Variants in RAB34 observed in about 807,000 individuals in gnomAD.
The protein encoded by RAB34 is RAB34, member RAS oncogene family, also known as ras-related protein Rab-34.
In RAB34, 33 loss-of-function variants were observed where a neutral mutation model predicts 39.0. That is an observed-to-expected ratio of 0.85 (90% CI 0.64 to 1.13). The LOEUF (loss-of-function observed/expected upper bound fraction) is 1.13. RAB34 is among the 50% of genes most tolerant of loss of function. The probability of loss-of-function intolerance (pLI) is 0.00; values close to 1 mark genes in which losing one functional copy is unlikely to be tolerated. For synonymous variants in RAB34, 135 were observed against 125.1 expected (o/e 1.08, Z -0.53); for missense variants, 289 against 326.1 (o/e 0.89, Z 0.88).
At position 28,715,636 on chromosome 17, in the gene RAB34, C is replaced by T; in HGVS notation, c.379+5G>A. On this transcript the variant is annotated splice_donor_5th_base_variant and intron_variant, in intron 5 of 9. Coordinates refer to ENST00000395245, the MANE Select transcript of RAB34 (RefSeq NM_031934.6). ...CCACCTACCCCACTTCACCCAGCCC[C>T]TTACCTTGAGCTCCTCTATAGTAGG... The T allele has an allele frequency of 6.2e-7, 1 of 1,614,154 alleles. No individual in the cohort carries two copies. Among genetic ancestry groups the T allele is most frequent in the Non-Finnish European group, 8.5e-7 (1 of 1,180,022 alleles).
Position 28,714,687 on chromosome 17 carries a change from G to A in RAB34, c.736C>T (p.Leu246Phe). Reference protein sequence around the residue: ...VVRINSDDSNLYLTASKKKPT... With the variant: ...VVRINSDDSNFYLTASKKKPT... ...TTCTTCTTGCTGGCAGTTAGGTAGA[G>A]GTTGCTGTCATCACTGTTGATGCCT... Residue 246 changes from leucine (L) to phenylalanine (F), a missense_variant, in exon 10 of 10, where the codon CTC becomes TTC. By Grantham distance (22) the Leu-to-Phe change is conservative (BLOSUM62 0). Coordinates refer to ENST00000395245, the MANE Select transcript of RAB34 (RefSeq NM_031934.6). 6.2e-7 allele frequency: 1 copy of A among 1,614,100 alleles called. No homozygotes were observed. The highest frequency in any genetic ancestry group is 1.1e-5 in the South Asian group (1 of 91,084).
chr17:28,714,471 G>T lies in RAB34; in HGVS notation c.*172C>A. 6.9e-7 allele frequency: 1 copy of T among 1,445,624 alleles called. No individual in the cohort carries two copies. The highest frequency in any genetic ancestry group is 9.7e-7 in the Non-Finnish European group (1 of 1,033,816). The allele number at this position is 1,445,624 out of a possible 1,614,324, so 89.5% of individuals were successfully genotyped here. ...CCAGTCTTTGGCACGGTGCCTGGGGGCAGGAAGTGACTAGCATGATCCCAG... is the reference window on the plus strand; with the variant it reads ...CCAGTCTTTGGCACGGTGCCTGGGGTCAGGAAGTGACTAGCATGATCCCAG... On this transcript the variant is annotated 3_prime_UTR_variant, in exon 10 of 10. Transcript: ENST00000395245.
rs1180387383 is a variant in RAB34, at chr17:28,717,616, AGTTCCTACGATTACGCGGGGCCGGATG to A, written c.-377_-351del. The stretch of plus-strand genomic sequence containing the variant: ...ACCCTACGATTACGCGGGGCCGGAT[AGTTCCTACGATTACGCGGGGCCGGATG>A]GTTCCTACAATAACCCGGGGCCGCG... On this transcript the variant is annotated 5_prime_UTR_variant, in exon 1 of 10. Coordinates refer to ENST00000395245, the MANE Select transcript of RAB34 (RefSeq NM_031934.6). 2.2e-6 allele frequency: 3 copies of A among 1,390,308 alleles called. No individual in the cohort carries two copies. In the East Asian group the frequency reaches 8.6e-5, roughly 40 times the overall value. The allele number at this position is 1,390,308 out of a possible 1,614,324, so 86.1% of individuals were successfully genotyped here.
At position 28,717,746 on chromosome 17, in the gene RAB34, A is replaced by G; in HGVS notation, c.-480T>C. 7.5e-7 allele frequency: 1 copy of G among 1,327,282 alleles called. No homozygotes were observed. The allele number at this position is 1,327,282 out of a possible 1,614,324, so 82.2% of individuals were successfully genotyped here. ...CGGGGGCGCGGAGCGGCCCCGCCAC[A>G]CGGGGTCAGTGTGGGCAGGGGCGGC... On this transcript the variant is annotated 5_prime_UTR_variant, in exon 1 of 10. Coordinates refer to ENST00000395245, the MANE Select transcript of RAB34 (RefSeq NM_031934.6).
chr17:28,714,794 G>A lies in RAB34; in HGVS notation c.711C>T (p.Val237=). 1.4e-5 allele frequency: 22 copies of A among 1,614,128 alleles called. No individual in the cohort carries two copies. The highest frequency in any genetic ancestry group is 1.8e-5 in the Non-Finnish European group (21 of 1,180,006). ...ACCCTCAACCAGGCAAGCACTCACG[G>A]ACAACATCCCCAATGCGTCGAGCCC... The part of the protein sequence containing the change: ...KSGARRIGDV[V]RINSDDSNLY... Residue 237 remains valine (V), a splice_region_variant and synonymous_variant, in exon 9 of 10, where the codon GTC becomes GTT. Transcript: ENST00000395245.
intron 3 of RAB34, 26 bp from the exon 4 acceptor site, chr17:28,715,927 C>G (rs1488550535): frequency 6.8e-6 from 11 of 1,612,872 alleles, no homozygotes; most frequent in Non-Finnish European, 9.3e-6. Context: ...ATGCTGTGAT[C>G]TGGAGCCAGC....
In RAB34 at chr17:28,717,234, G is replaced by C; in HGVS notation, c.33C>G (p.Arg11=). The change falls in exon 1 of 10, where the codon CGC becomes CGG. Residue 11 remains arginine, a synonymous_variant. Coordinates refer to ENST00000395245, the MANE Select transcript of RAB34 (RefSeq NM_031934.6). The part of the protein sequence containing the change: MNILAPVRRD[R]VLAELPQCLR... ...CTACCTGGGGCAGCTCCGCCAGGAC[G>C]CGATCCCTCCGCACGGGTGCCAGAA... 4 of 1,606,140 alleles carry C rather than the reference G, an allele frequency of 2.5e-6. No individual in the cohort carries two copies. Among genetic ancestry groups the C allele is most frequent in the Non-Finnish European group, 3.4e-6 (4 of 1,178,630 alleles).
chr17:28,716,967 C>T lies in RAB34; in HGVS notation c.82G>A (p.Gly28Arg), dbSNP rs1236653446. Residue 28 changes from glycine (G) to arginine (R), a missense_variant, in exon 2 of 10, where the codon GGG (glycine) becomes AGG (arginine). Gly to Arg is a moderately radical substitution (Grantham distance 125). Transcript: ENST00000395245. Reference sequence around the variant, plus strand: ...ACGCGGGGGTGGAAGTCTTTGTGCCCGTGCAAAGCGGCCTCCTTCCTCAGG... The same window carrying T: ...ACGCGGGGGTGGAAGTCTTTGTGCCTGTGCAAAGCGGCCTCCTTCCTCAGG... ...QCLRKEAALH[G>R]HKDFHPRVTC... The T allele has an allele frequency of 6.8e-6, 11 of 1,613,642 alleles. No homozygotes were observed. The highest frequency in any genetic ancestry group is 2.2e-5 in the East Asian group (1 of 44,876).
At chr17:28,717,071 G>T in intron 1 of RAB34, 77 bp from the exon 2 acceptor site, 9 of 1,578,566 alleles carry the variant, frequency 5.7e-6, no homozygotes, top group Non-Finnish European at 7.7e-6. Flanking sequence ...CCGGGTAGGG[G>T]TGGAGTGCAG....
upstream of RAB34, chr17:28,717,923 G>C: frequency 4.5e-6 from 6 of 1,338,694 alleles, no homozygotes; most frequent in Non-Finnish European, 4.8e-6. Flanking sequence ...CTCTCCTGGC[G>C]GCTCCAGGCC....
rs1303908614 is a variant in RAB34, at chr17:28,715,174, T to TC, written c.513+20dup. ...GGCATTCCCTCACCAAGCTGGGAAG[T>TC]CCCCCCACTGGCACACTCACACTCA... On this transcript the variant is annotated intron_variant, in intron 7 of 9. Coordinates refer to ENST00000395245, the MANE Select transcript of RAB34 (RefSeq NM_031934.6). The TC allele has an allele frequency of 3.1e-6, 5 of 1,612,310 alleles. No individual in the cohort carries two copies. The Admixed American group carries it at 8.3e-5, about 27-fold the overall frequency.
chr17:28,716,695 T>A, intron 2 of RAB34: 1 of 536,044 alleles, frequency 1.9e-6, no homozygotes, highest in Non-Finnish European at 3.2e-6. Context: ...GAAATCCAGC[T>A]GCCACCCTTC....
At chr17:28,715,149 G>T (rs747933047) in intron 7 of RAB34, 27 bp from the exon 8 acceptor site, 1 of 1,613,124 alleles carries the variant, frequency 6.2e-7, no homozygotes, top group Non-Finnish European at 8.5e-7. Context: ...GTCAGAGGGG[G>T]GCATTCCCTC....
chr17:28,716,764 C>G (rs987223885), intron 2 of RAB34, 139 bp downstream of exon 2: 1 of 987,318 alleles, frequency 1.0e-6, no homozygotes, highest in African/African-American at 1.7e-5. Flanking sequence ...GGAGGGGATA[C>G]AGGGGCTTAA....
chr17:28,714,481 A>T lies in RAB34; in HGVS notation c.*162T>A. ...GCACGGTGCCTGGGGGCAGGAAGTG[A>T]CTAGCATGATCCCAGCTACCCCTCT... On this transcript the variant is annotated 3_prime_UTR_variant, in exon 10 of 10. Coordinates refer to ENST00000395245, the MANE Select transcript of RAB34 (RefSeq NM_031934.6). 1 of 1,507,560 alleles carries T rather than the reference A, an allele frequency of 6.6e-7. No individual in the cohort carries two copies. The highest frequency in any genetic ancestry group is 9.2e-7 in the Non-Finnish European group (1 of 1,087,300). 93.4% of individuals were successfully genotyped at this position (1,507,560 alleles called of 1,614,324 possible). A position where few individuals can be genotyped will look rare whatever the true frequency, so the allele number is the denominator to read the frequency against.
chr17:28,714,389 C>T lies in RAB34; in HGVS notation c.*254G>A. 1 of 639,200 alleles carries T rather than the reference C, an allele frequency of 1.6e-6. No individual in the cohort carries two copies. Among genetic ancestry groups the T allele is most frequent in the Non-Finnish European group, 2.7e-6 (1 of 364,236 alleles). The allele number at this position is 639,200 out of a possible 1,614,324, so 39.6% of individuals were successfully genotyped here. On this transcript the variant is annotated 3_prime_UTR_variant, in exon 10 of 10. Coordinates refer to ENST00000395245, the MANE Select transcript of RAB34 (RefSeq NM_031934.6). ...AGCAGGCTGAGCAAAAGAACAGAGA[C>T]ACTCTCCCTCACTACCACTGGGCGC...
At chr17:28,716,780 G>A in intron 2 of RAB34, 123 bp downstream of exon 2, 1 of 1,145,244 alleles carries the variant, frequency 8.7e-7, no homozygotes, top group African/African-American at 1.6e-5. Flanking sequence ...CTTAAAGAGG[G>A]GGAAATAACC....
At chr17:28,717,873 C>T (rs992023492), upstream of RAB34, 47 of 1,360,404 alleles carry the variant, frequency 3.5e-5, no homozygotes, top group East Asian at 9.8e-4. Context: ...CGCTGTAACA[C>T]GATCCCCGGA....
upstream of RAB34, chr17:28,718,425 T>C (rs1382317860): frequency 1.7e-6 from 1 of 590,168 alleles, no homozygotes. Flanking sequence ...GCTGTGTAGA[T>C]TGTGAGGTGG....
Sources: allele counts gnomAD v4.1 joint callset, GRCh38; gene constraint gnomAD v4.1.1; transcripts MANE v1.5; gene names NCBI Gene and HGNC (gene_info 2026-07-23, HGNC 2026-07-21).